STARD13: variants seen among roughly 807,000 people sequenced by gnomAD.
STARD13 encodes the protein stAR-related lipid transfer protein 13.
In STARD13, 62 loss-of-function variants were observed where a neutral mutation model predicts 106.4. The ratio of observed to expected loss-of-function variants is 0.58; its 90% CI spans 0.48 to 0.72. The LOEUF is 0.72. STARD13 is among the 30% of genes least tolerant of loss of function. The pLI is 0.00. For synonymous variants in STARD13, 565 were observed against 553.0 expected, an observed-to-expected ratio of 1.02 and a Z score of -0.31; for missense variants, 1,387 against 1,424.0, an observed-to-expected ratio of 0.97 and a Z score of 0.42.
At chr13:33,242,378 T>C (rs112983986) in intron 1 of STARD13, among the ~76,000 whole-genome samples, 18,993 of 152,182 alleles carry the variant, frequency 0.12, 1,304 homozygotes, top group Non-Finnish European at 0.15. Flanking sequence ...GAAGTAGACA[T>C]AGGAGACTCC....
chr13:33,629,295 T>C, the STARD13 span, among the ~76,000 whole-genome samples: 4 of 152,222 alleles, frequency 2.6e-5, no homozygotes, highest in African/African-American at 9.6e-5. Flanking sequence ...ACACTTTAAC[T>C]GGAAATTACT....
the STARD13 span, among the ~76,000 whole-genome samples, chr13:33,505,227 T>C: frequency 8.5e-5 from 13 of 152,254 alleles, no homozygotes; most frequent in South Asian, 2.7e-3. Flanking sequence ...TAGAAAAATG[T>C]CCCAAATGTT....
At chr13:33,437,241 A>G in the STARD13 span, among the ~76,000 whole-genome samples, 1 of 152,094 alleles carries the variant, frequency 6.6e-6, no homozygotes, top group Non-Finnish European at 1.5e-5. Flanking sequence ...GTTCCAATCT[A>G]GTTACCGGTG....
intron 1 of STARD13, among the ~76,000 whole-genome samples, chr13:33,291,764 G>A (rs73468174): frequency 0.012 from 1,800 of 152,174 alleles, 33 homozygotes; most frequent in African/African-American, 0.04. Flanking sequence ...CGTGCTATTT[G>A]TTATATATGA....
rs1181163400 is a variant in STARD13 at position 33,105,625 on chromosome 13, G to C, written c.3310C>G (p.Leu1104Val). 1.2e-6 allele frequency: 2 copies of C among 1,613,844 alleles called. No individual in the cohort carries two copies. The highest frequency in any genetic ancestry group is 4.5e-5 in the East Asian group (2 of 44,898). Residue 1104 changes from leucine to valine, a missense_variant, in exon 14 of 14, where the codon CTC (leucine) becomes GTC (valine). By Grantham distance (32) the Leu-to-Val change is conservative. Transcript: ENST00000336934. The stretch of plus-strand genomic sequence containing the variant: ...TTAGTTTCTGGGCCCTCAGCAATGA[G>C]GGGCTGGAAAGAGTTTCTAATCCTG... ...VARIRNSFQP[L>V]IAEGPETKI
intron 3 of STARD13, among the ~76,000 whole-genome samples, chr13:33,160,635 G>T (rs1410255070): frequency 1.3e-5 from 2 of 152,086 alleles, no homozygotes; most frequent in Non-Finnish European, 2.9e-5. Context: ...GAGTTGAATA[G>T]ATATTTTATA....
chr13:33,119,363 G>T (rs1201161245), intron 7 of STARD13, among the ~76,000 whole-genome samples: 2 of 152,192 alleles, frequency 1.3e-5, no homozygotes, highest in African/African-American at 2.4e-5. Context: ...TTCCTGAGTG[G>T]CTGGTCAGGT....
At chr13:33,627,507 G>A in the STARD13 span, among the ~76,000 whole-genome samples, 1 of 151,962 alleles carries the variant, frequency 6.6e-6, no homozygotes, top group Admixed American at 6.6e-5. Context: ...TGCGGTGGCG[G>A]GCACCTGTAA....
At chr13:33,441,884 G>A in the STARD13 span, among the ~76,000 whole-genome samples, 3 of 152,318 alleles carry the variant, frequency 2.0e-5, no homozygotes, top group South Asian at 6.2e-4. Flanking sequence ...ATTCACATAT[G>A]AAAGGGACAT....
At chr13:33,525,092 G>A in the STARD13 span, among the ~76,000 whole-genome samples, 1 of 152,060 alleles carries the variant, frequency 6.6e-6, no homozygotes, top group African/African-American at 2.4e-5. Context: ...CATGATCATA[G>A]CTCACTGAAG....
upstream of STARD13, among the ~76,000 whole-genome samples, chr13:33,287,942 T>G (rs1892139374): frequency 6.6e-6 from 1 of 152,072 alleles, no homozygotes; most frequent in Non-Finnish European, 1.5e-5. Context: ...AAAAAATACG[T>G]AGCTTTTTAT....
chr13:33,503,688 G>A, the STARD13 span, among the ~76,000 whole-genome samples: 201 of 152,262 alleles, frequency 1.3e-3, no homozygotes, highest in African/African-American at 3.8e-3. Context: ...GTAGTTGAGC[G>A]GTTTTAAGTG....
chr13:33,191,528 C>T (rs929361017), intron 1 of STARD13, among the ~76,000 whole-genome samples: 8 of 152,176 alleles, frequency 5.3e-5, no homozygotes, highest in Non-Finnish European at 8.8e-5. Context: ...AACCACATGC[C>T]GATGTCCTGG....
chr13:33,388,221 C>T, the STARD13 span, among the ~76,000 whole-genome samples: 4 of 151,988 alleles, frequency 2.6e-5, no homozygotes, highest in Non-Finnish European at 5.9e-5. Context: ...GCTTGGTGAA[C>T]AGTAGGAACT....
At chr13:33,541,929 G>GA in the STARD13 span, among the ~76,000 whole-genome samples, 1 of 152,076 alleles carries the variant, frequency 6.6e-6, no homozygotes, top group Non-Finnish European at 1.5e-5. Context: ...ATTCAAAAGT[G>GA]AAAAAATGAC....
chr13:33,313,312 A>G (rs996821187), intron 1 of STARD13, among the ~76,000 whole-genome samples: 6 of 152,200 alleles, frequency 3.9e-5, no homozygotes, highest in Non-Finnish European at 7.3e-5. Context: ...TTATTAATTA[A>G]AAATTAACAG....
chr13:33,602,577 C>T, the STARD13 span, among the ~76,000 whole-genome samples: 1 of 152,156 alleles, frequency 6.6e-6, no homozygotes, highest in Non-Finnish European at 1.5e-5. Context: ...GCAGTTGAGA[C>T]ATGTTCAAGA....
At chr13:33,635,340 A>G in the STARD13 span, among the ~76,000 whole-genome samples, 3 of 152,118 alleles carry the variant, frequency 2.0e-5, no homozygotes, top group African/African-American at 7.2e-5. Flanking sequence ...TACCTACCTC[A>G]CAGAGTTGTG....
At chr13:33,527,738 A>G in the STARD13 span, among the ~76,000 whole-genome samples, 2 of 151,838 alleles carry the variant, frequency 1.3e-5, no homozygotes, top group African/African-American at 2.4e-5. Flanking sequence ...AAATAATTAT[A>G]CAAATTTAAA....
Sources: allele counts gnomAD v4.1 joint callset (sites outside exome capture counted in the v4.1 genomes callset), GRCh38; gene constraint gnomAD v4.1.1; transcripts MANE v1.5; gene names NCBI Gene and HGNC (gene_info 2026-07-23, HGNC 2026-07-21).